WWC1: variants seen among roughly 807,000 people sequenced by gnomAD.
WWC1 encodes protein KIBRA.
Under a neutral mutation model 138.4 loss-of-function variants are expected in WWC1, and 55 were observed. That is an observed-to-expected ratio of 0.40 (90% CI 0.32 to 0.50). The LOEUF (loss-of-function observed/expected upper bound fraction) is 0.50, where lower values mean the gene tolerates loss of function less well. WWC1 is among the 20% of genes least tolerant of loss of function. The pLI is 0.72. For missense variants in WWC1, 1,226 were observed against 1,420.4 expected (o/e 0.86, Z 2.20); for synonymous variants, 524 against 564.9 (o/e 0.93, Z 1.03).
At chr5:168,334,554 C>G (rs1773301047) in intron 1 of WWC1, among the ~76,000 whole-genome samples, 1 of 152,096 alleles carries the variant, frequency 6.6e-6, no homozygotes, top group South Asian at 2.1e-4. Flanking sequence ...CTCCCCCCTC[C>G]ACCCCCATTT....
chr5:168,403,950 G>A (rs761692255), intron 5 of WWC1, among the ~76,000 whole-genome samples: 3 of 150,796 alleles, frequency 2.0e-5, no homozygotes, highest in Non-Finnish European at 2.9e-5. Context: ...CATTCACCGT[G>A]TGCATAATGG....
chr5:168,441,625 G>A (rs1268101266), intron 15 of WWC1, 57 bp from the exon 16 acceptor site: 1 of 1,577,924 alleles, frequency 6.3e-7, no homozygotes, highest in African/African-American at 1.4e-5. Context: ...CAAATTCCCT[G>A]ACACCTGGTG....
At chr5:168,296,174 GC>G (rs1362382077) in intron 1 of WWC1, among the ~76,000 whole-genome samples, 1 of 152,172 alleles carries the variant, frequency 6.6e-6, no homozygotes, top group Admixed American at 6.5e-5. Context: ...TTTGGGGCTG[GC>G]CCTCCCAGAG....
chr5:168,327,997 G>A (rs1288676198), intron 1 of WWC1, among the ~76,000 whole-genome samples: 2 of 152,188 alleles, frequency 1.3e-5, no homozygotes, highest in African/African-American at 2.4e-5. Context: ...CCATTGAAAC[G>A]CTGCTGCTCA....
rs537682854 is a variant in WWC1 at position 168,452,462 on chromosome 5, T to C, written c.2526-1506T>C. Among the ~76,000 whole-genome samples, 80 of 152,242 alleles carry C rather than the reference T, an allele frequency of 5.3e-4. 1 individual carries two copies. In the South Asian group the frequency reaches 0.015, roughly 29 times the overall value. The stretch of plus-strand genomic sequence containing the variant: ...ATGCGCATGCACAGAGGACAGACTG[T>C]GTGAGCACGCTGCAAGAAGGCAGCC... On this transcript the variant is annotated intron_variant, in intron 17 of 22. Transcript: ENST00000265293.
chr5:168,351,120 C>T (rs1774917633), intron 1 of WWC1, among the ~76,000 whole-genome samples: 1 of 150,540 alleles, frequency 6.6e-6, no homozygotes, highest in African/African-American at 2.5e-5. Context: ...GCACTGGAGC[C>T]TGGGCAACAG....
chr5:168,444,661 A>G, intron 17 of WWC1, 76 bp downstream of exon 17: 1 of 1,491,752 alleles, frequency 6.7e-7, no homozygotes, highest in Non-Finnish European at 9.2e-7. Flanking sequence ...CCCCAATGCC[A>G]GTGCAACTAA....
At position 168,408,589 on chromosome 5, in the gene WWC1, G is replaced by A; in HGVS notation, c.803G>A (p.Ser268Asn). 6.2e-7 allele frequency: 1 copy of A among 1,614,228 alleles called. No homozygotes were observed. The highest frequency in any genetic ancestry group is 8.5e-7 in the Non-Finnish European group (1 of 1,180,052). ...TGGTCCAGCAGCAGCTCTCTGGAGAGTTCGAGTTTCCCGCTACCGAAACAG... is the reference window on the plus strand; with the variant it reads ...TGGTCCAGCAGCAGCTCTCTGGAGAATTCGAGTTTCCCGCTACCGAAACAG... The part of the protein sequence containing the change: ...DLWSSSSSLE[S>N]SSFPLPKQYL... The change falls in exon 7 of 23, where the codon AGT becomes AAT. Residue 268 changes from serine (S) to asparagine (N), a missense_variant. This residue lies in a region of WWC1 where 1,016 missense variants were observed against 1,153.9 expected (regional missense o/e 0.88). Transcript: ENST00000265293.
At chr5:168,344,983 C>T (rs1774349913) in intron 1 of WWC1, among the ~76,000 whole-genome samples, 1 of 152,164 alleles carries the variant, frequency 6.6e-6, no homozygotes, top group South Asian at 2.1e-4. Flanking sequence ...CAGAAAAGGA[C>T]ATTTTTCTCT....
At position 168,455,408 on chromosome 5, in the gene WWC1, G is replaced by T; in HGVS notation, c.2711G>T (p.Arg904Leu). 6.2e-7 allele frequency: 1 copy of T among 1,609,996 alleles called. No individual in the cohort carries two copies. Reference sequence around the variant, plus strand: ...CCGGCCCCATCCCCCACAGTGGTGCGACCTAAGGACCGGAGAGTGGGCACC... The same window carrying T: ...CCGGCCCCATCCCCCACAGTGGTGCTACCTAAGGACCGGAGAGTGGGCACC... ...ETPAPSPTVV[R>L]PKDRRVGTPS... The change falls in exon 19 of 23, where the codon CGA becomes CTA. Residue 904 changes from arginine to leucine, a missense_variant. By Grantham distance (102) the Arg-to-Leu change is moderately radical. Around this residue, in one of 3 missense-constraint regions of WWC1, gnomAD observed 1,016 missense variants for 1,153.9 expected, o/e 0.88. Coordinates refer to ENST00000265293, the MANE Select transcript of WWC1 (RefSeq NM_015238.3).
intron 1 of WWC1, among the ~76,000 whole-genome samples, chr5:168,367,165 G>GC (rs1776360028): frequency 6.6e-6 from 1 of 151,936 alleles, no homozygotes; most frequent in South Asian, 2.1e-4. Context: ...GAATATCCTT[G>GC]CACCAACACA....
chr5:168,441,088 A>G (rs1162345877), intron 15 of WWC1, among the ~76,000 whole-genome samples: 2 of 152,190 alleles, frequency 1.3e-5, no homozygotes, highest in Non-Finnish European at 2.9e-5. Flanking sequence ...AACAGCAACA[A>G]AAAAGGAATA....
At chr5:168,358,145 A>G (rs774435134) in intron 1 of WWC1, among the ~76,000 whole-genome samples, 3 of 152,190 alleles carry the variant, frequency 2.0e-5, no homozygotes, top group Admixed American at 6.5e-5. Flanking sequence ...GGCCCTGTCT[A>G]TCTGGGTGGG....
chr5:168,461,057 C>T (rs900509122), intron 20 of WWC1, among the ~76,000 whole-genome samples: 5 of 152,132 alleles, frequency 3.3e-5, no homozygotes, highest in African/African-American at 9.7e-5. Context: ...AGCCGGGCCC[C>T]GTGGCTCACA....
At position 168,469,116 on chromosome 5, in the gene WWC1, A is replaced by G; in HGVS notation, c.*99A>G. ...GTGTTATATGAAGGTACTGAGTCAC[A>G]AGTCCTCTAGTGCTCTTGTTGGTTT... On this transcript the variant is annotated 3_prime_UTR_variant, in exon 23 of 23. Transcript: ENST00000265293. 1 of 1,438,394 alleles carries G rather than the reference A, an allele frequency of 7.0e-7. No individual in the cohort carries two copies. Among genetic ancestry groups the G allele is most frequent in the Non-Finnish European group, 9.7e-7 (1 of 1,028,678 alleles). The allele number at this position is 1,438,394 out of a possible 1,614,324, so 89.1% of individuals were successfully genotyped here. A position where few individuals can be genotyped will look rare whatever the true frequency, so the allele number is the denominator to read the frequency against.
intron 4 of WWC1, among the ~76,000 whole-genome samples, chr5:168,398,994 G>A (rs112562810): frequency 0.011 from 1,735 of 152,320 alleles, 32 homozygotes; most frequent in African/African-American, 0.039. Context: ...CCAGCAGACC[G>A]AGTCTAGCTC....
chr5:168,338,423 T>G (rs9313407), intron 1 of WWC1, among the ~76,000 whole-genome samples: 7,947 of 149,036 alleles, frequency 0.053, 726 homozygotes, highest in African/African-American at 0.18. Context: ...TCTTTTTTTT[T>G]GGGGGGGGAT....
rs776632921 is a variant in WWC1 at position 168,464,916 on chromosome 5, G to A, written c.3104G>A (p.Arg1035His). The A allele has an allele frequency of 3.2e-5, 52 of 1,614,190 alleles. No individual in the cohort carries two copies. Among genetic ancestry groups the A allele is most frequent in the South Asian group, 6.6e-5 (6 of 91,086 alleles). Reference sequence around the variant, plus strand: ...GAGAAGGAGCTGCCACAGTGGTTGCGTGAGGACGAGCGTTTCCGCCTGCTG... The same window carrying A: ...GAGAAGGAGCTGCCACAGTGGTTGCATGAGGACGAGCGTTTCCGCCTGCTG... ...HGEKELPQWL[R>H]EDERFRLLLR... The change falls in exon 21 of 23, where the codon CGT becomes CAT. Residue 1035 changes from arginine (R) to histidine (H), a missense_variant. Physicochemically the swap from Arg to His is conservative, Grantham distance 29. Coordinates refer to ENST00000265293, the MANE Select transcript of WWC1 (RefSeq NM_015238.3).
chr5:168,457,419 G>T (rs935527127), intron 19 of WWC1, among the ~76,000 whole-genome samples: 26 of 152,158 alleles, frequency 1.7e-4, no homozygotes, highest in African/African-American at 5.8e-4. Flanking sequence ...ACATGCTGGG[G>T]CTGTGCTGTG....
Sources: allele counts gnomAD v4.1 joint callset (sites outside exome capture counted in the v4.1 genomes callset), GRCh38; gene constraint gnomAD v4.1.1; regional missense constraint gnomAD v4.1.1; transcripts MANE v1.5; gene names NCBI Gene and HGNC (gene_info 2026-07-23, HGNC 2026-07-21).